AUTS2: variants seen among roughly 807,000 people sequenced by gnomAD.
AUTS2 encodes the protein activator of transcription and developmental regulator AUTS2.
Under a neutral mutation model 112.4 loss-of-function variants are expected in AUTS2, and 17 were observed. That is an observed-to-expected ratio of 0.15 (90% CI 0.10 to 0.23). The LOEUF is 0.23. Among genes scored for constraint, AUTS2 ranks in the 10% least tolerant of loss-of-function variants. The probability of loss-of-function intolerance (pLI) is 1.00; values close to 1 mark genes in which losing one functional copy is unlikely to be tolerated. For missense variants in AUTS2, 1,510 were observed against 1,701.6 expected (o/e 0.89, Z 1.98); for synonymous variants, 751 against 702.7 (o/e 1.07, Z -1.09).
At chr7:70,177,133 C>G (rs1809031057) in intron 4 of AUTS2, among the ~76,000 whole-genome samples, 2 of 152,162 alleles carry the variant, frequency 1.3e-5, no homozygotes, top group South Asian at 4.1e-4. Flanking sequence ...AGGAGGCAAT[C>G]TCTCTGTCAA....
At chr7:70,724,585 A>G (rs751434259) in intron 6 of AUTS2, among the ~76,000 whole-genome samples, 6 of 151,726 alleles carry the variant, frequency 4.0e-5, no homozygotes, top group Non-Finnish European at 7.4e-5. Flanking sequence ...AGCTGTGACT[A>G]CAGGCGTCTA....
At chr7:70,129,481 C>A (rs1005354906) in intron 3 of AUTS2, among the ~76,000 whole-genome samples, 2 of 152,164 alleles carry the variant, frequency 1.3e-5, no homozygotes, top group African/African-American at 4.8e-5. Flanking sequence ...TATCTGGGCA[C>A]CCCGTGGCCC....
intron 1 of AUTS2, among the ~76,000 whole-genome samples, chr7:69,646,522 C>T (rs1795027723): frequency 6.6e-6 from 1 of 152,218 alleles, no homozygotes; most frequent in Non-Finnish European, 1.5e-5. Flanking sequence ...TTCCTTACTA[C>T]TTTCTCCAAA....
intron 4 of AUTS2, among the ~76,000 whole-genome samples, chr7:70,418,466 C>T (rs1484010931): frequency 6.6e-6 from 1 of 152,206 alleles, no homozygotes; most frequent in East Asian, 1.9e-4. Flanking sequence ...TTCCCAGCTT[C>T]TGCTGTTAAG....
Position 70,675,980 on chromosome 7 carries a change from T to C in AUTS2, c.691-22589T>C, listed in dbSNP as rs531084454. ...CTCCATGGGGCAGTGTCAAAGGATG[T>C]GCAGCTGTGCTTTAAAATGATCATC... is the stretch of plus-strand genomic sequence containing the variant. On this transcript the variant is annotated intron_variant, in intron 5 of 18. Transcript: ENST00000342771. 4.6e-5 allele frequency among the ~76,000 whole-genome samples: 7 copies of C among 152,352 alleles called. 1 individual carries two copies. In the South Asian group the frequency reaches 1.4e-3, roughly 32 times the overall value.
chr7:69,637,061 G>A lies in AUTS2; in HGVS notation c.309+37099G>A, dbSNP rs142747573. ...ATTACAGGTGTGAGCCACCGCGCCC[G>A]GCCTGTCCTATAACATTTTAAATGT... On this transcript the variant is annotated intron_variant, in intron 1 of 18. Transcript: ENST00000342771. Among the ~76,000 whole-genome samples, 291 of 152,246 alleles carry A rather than the reference G, an allele frequency of 1.9e-3. 1 individual carries two copies. The highest frequency in any genetic ancestry group is 6.7e-3 in the African/African-American group (277 of 41,546).
intron 4 of AUTS2, among the ~76,000 whole-genome samples, chr7:70,431,117 G>A (rs957708341): frequency 2.0e-5 from 3 of 152,100 alleles, no homozygotes; most frequent in East Asian, 1.9e-4. Flanking sequence ...TATTACAGGC[G>A]TGAGCCACCG....
At chr7:70,638,713 A>G (rs559891667) in intron 5 of AUTS2, among the ~76,000 whole-genome samples, 2 of 152,260 alleles carry the variant, frequency 1.3e-5, no homozygotes, top group African/African-American at 4.8e-5. Flanking sequence ...CCTTTAGTTT[A>G]CAGTGTAAGA....
intron 5 of AUTS2, among the ~76,000 whole-genome samples, chr7:70,643,368 C>G (rs1349148205): frequency 2.6e-5 from 4 of 152,186 alleles, no homozygotes; most frequent in African/African-American, 7.2e-5. Context: ...GTCAAGAGAT[C>G]GAGACCATCC....
At chr7:70,716,326 T>G (rs1810360247) in intron 6 of AUTS2, among the ~76,000 whole-genome samples, 1 of 152,120 alleles carries the variant, frequency 6.6e-6, no homozygotes, top group African/African-American at 2.4e-5. Flanking sequence ...TTCAGTTTGG[T>G]GAATTTAAAA....
At chr7:69,783,285 G>C (rs1789225947) in intron 1 of AUTS2, among the ~76,000 whole-genome samples, 1 of 151,956 alleles carries the variant, frequency 6.6e-6, no homozygotes, top group African/African-American at 2.4e-5. Context: ...TTTACACTGG[G>C]ACTGTTAGGA....
chr7:70,533,577 G>C (rs1261060095), intron 5 of AUTS2, among the ~76,000 whole-genome samples: 3 of 152,226 alleles, frequency 2.0e-5, no homozygotes, highest in Admixed American at 6.5e-5. Context: ...CTGTTCAGCT[G>C]TCCCTTACAT....
At chr7:70,012,300 G>A (rs2129554318) in intron 2 of AUTS2, among the ~76,000 whole-genome samples, 1 of 152,182 alleles carries the variant, frequency 6.6e-6, no homozygotes, top group African/African-American at 2.4e-5. Context: ...TGGCGTCCAG[G>A]GTAATTTTTG....
rs1798730318 is a variant in AUTS2, at chr7:69,991,229, T to C, written c.522+91731T>C. 2.6e-5 allele frequency among the ~76,000 whole-genome samples: 4 copies of C among 152,210 alleles called. No homozygotes were observed. The South Asian group carries it at 6.2e-4, about 24-fold the overall frequency. ...CCCTTCACTGCGTAGTAGTTTATTT[T>C]GTGCTTTTGGTAAAATGATTCAAGG... On this transcript the variant is annotated intron_variant, in intron 2 of 18. Transcript: ENST00000342771.
intron 4 of AUTS2, among the ~76,000 whole-genome samples, chr7:70,287,688 G>T (rs1349664994): frequency 6.6e-6 from 1 of 151,928 alleles, no homozygotes; most frequent in East Asian, 1.9e-4. Context: ...TTTCAGTTGT[G>T]CATTTATTAT....
At chr7:69,967,196 C>T (rs1797666479) in intron 2 of AUTS2, among the ~76,000 whole-genome samples, 2 of 152,184 alleles carry the variant, frequency 1.3e-5, no homozygotes, top group Admixed American at 6.5e-5. Flanking sequence ...TTCCTAGACA[C>T]AGCCTCTTGT....
intron 1 of AUTS2, among the ~76,000 whole-genome samples, chr7:69,635,467 A>G (rs921263202): frequency 2.0e-5 from 3 of 152,190 alleles, no homozygotes; most frequent in African/African-American, 7.2e-5. Flanking sequence ...TGCGGGGAAA[A>G]GTAGAGGGTG....
At chr7:70,301,430 T>C (rs568414073) in intron 4 of AUTS2, among the ~76,000 whole-genome samples, 1 of 151,964 alleles carries the variant, frequency 6.6e-6, no homozygotes, top group South Asian at 2.1e-4. Flanking sequence ...TCTTTTTTAT[T>C]GAGTTTGCAT....
chr7:70,721,279 C>CGTGT (rs55885084), intron 6 of AUTS2, among the ~76,000 whole-genome samples: 27,565 of 139,954 alleles, frequency 0.2, 2,812 homozygotes, highest in Middle Eastern at 0.26. Context: ...GAATTTCATT[C>CGTGT]GTGTGTGTGT....
Sources: allele counts gnomAD v4.1 joint callset (sites outside exome capture counted in the v4.1 genomes callset), GRCh38; gene constraint gnomAD v4.1.1; transcripts MANE v1.5; gene names NCBI Gene and HGNC (gene_info 2026-07-23, HGNC 2026-07-21).